The following FMN2 variants were observed in gnomAD, a reference collection of about 807,000 sequenced individuals.
FMN2 encodes formin 2, also known as formin-2.
FMN2 carries 51 observed loss-of-function variants against 142.3 expected under a neutral mutation model. The observed-to-expected ratio is 0.36, with a 90% CI of 0.29 to 0.45. The LOEUF (loss-of-function observed/expected upper bound fraction) is 0.45, where lower values mean the gene tolerates loss of function less well. Among genes scored for constraint, FMN2 ranks in the 20% least tolerant of loss-of-function variants. The pLI is 1.00. For missense variants in FMN2, 1,936 were observed against 2,122.8 expected (o/e 0.91, Z 1.73); for synonymous variants, 882 against 869.8 (o/e 1.01, Z -0.25).
At chr1:240,240,208 G>T (rs1667845904) in intron 6 of FMN2, among the ~76,000 whole-genome samples, 2 of 152,064 alleles carry the variant, frequency 1.3e-5, no homozygotes, top group Non-Finnish European at 2.9e-5. Context: ...GTGGTCAAGG[G>T]GGTAGAGCCT....
chr1:240,291,992 G>T (rs12079371), intron 7 of FMN2, among the ~76,000 whole-genome samples: 46,192 of 151,756 alleles, frequency 0.3, 7,452 homozygotes, highest in Admixed American at 0.47. Flanking sequence ...TTATTTCCTT[G>T]CCCCTGCCCC....
chr1:240,150,134 A>T (rs1049727777), intron 2 of FMN2, among the ~76,000 whole-genome samples: 6 of 152,224 alleles, frequency 3.9e-5, no homozygotes, highest in Non-Finnish European at 8.8e-5. Flanking sequence ...TAAAGGTTAT[A>T]TGCTCCTTTA....
chr1:240,292,336 A>G (rs946428571), intron 7 of FMN2, among the ~76,000 whole-genome samples: 1 of 152,208 alleles, frequency 6.6e-6, no homozygotes, highest in Admixed American at 6.5e-5. Flanking sequence ...AGTAAAAAAT[A>G]AAAAATGCAT....
rs776061186 is a variant in FMN2 at position 240,329,110 on chromosome 1, A to G, written c.4250A>G (p.Lys1417Arg). The part of the protein sequence containing the change: ...AQSDELEKIE[K>R]HGRSSKDKEN... Reference sequence around the variant, plus strand: ...TCAGACGAACTCGAAAAAATAGAAAAGCATGGCCGATCTTCCAAAGACAAG... The same window carrying G: ...TCAGACGAACTCGAAAAAATAGAAAGGCATGGCCGATCTTCCAAAGACAAG... Residue 1417 changes from lysine to arginine, a missense_variant, in exon 9 of 18, where the codon AAG (lysine) becomes AGG (arginine). Transcript: ENST00000319653. 5 of 1,614,124 alleles carry G rather than the reference A, an allele frequency of 3.1e-6. No homozygotes were observed. The East Asian group carries it at 8.9e-5, about 29-fold the overall frequency.
At chr1:240,184,376 G>A (rs6673504) in intron 3 of FMN2, among the ~76,000 whole-genome samples, 61,976 of 150,686 alleles carry the variant, frequency 0.41, 12,797 homozygotes, top group Admixed American at 0.46. Flanking sequence ...AGCTGGGACT[G>A]CAGGTGCCCA....
At chr1:240,357,765 GC>G (rs1157298153) in intron 14 of FMN2, among the ~76,000 whole-genome samples, 1 of 151,804 alleles carries the variant, frequency 6.6e-6, no homozygotes, top group African/African-American at 2.4e-5. Context: ...CCGCCACCAC[GC>G]CCGGCTAATT....
At chr1:240,165,531 A>C (rs911522205) in intron 2 of FMN2, among the ~76,000 whole-genome samples, 1 of 152,104 alleles carries the variant, frequency 6.6e-6, no homozygotes, top group South Asian at 2.1e-4. Flanking sequence ...CTATTTTAAA[A>C]TGTGAGTCTG....
At chr1:240,425,018 A>G (rs1674888118) in intron 15 of FMN2, among the ~76,000 whole-genome samples, 1 of 152,220 alleles carries the variant, frequency 6.6e-6, no homozygotes, top group Non-Finnish European at 1.5e-5. Flanking sequence ...TAAAGAGGTT[A>G]AATCCTAGTG....
rs1440292201 is a variant in FMN2, at chr1:240,285,258, G to T, written c.4154-9564G>T. ...GTGAAGCCAACACGATTCATGATGT[G>T]TTGGATGTGGAAGGTGAGGGGAAGG... On this transcript the variant is annotated intron_variant, in intron 7 of 17. Coordinates refer to ENST00000319653, the MANE Select transcript of FMN2 (RefSeq NM_020066.5). 6.6e-6 allele frequency: 3 copies of T among 455,422 alleles called. No individual in the cohort carries two copies. In the East Asian group the frequency reaches 2.1e-4, roughly 32 times the overall value. 28.2% of individuals were successfully genotyped at this position (455,422 alleles called of 1,614,324 possible).
At chr1:240,250,355 C>T (rs1572115764) in intron 6 of FMN2, among the ~76,000 whole-genome samples, 1 of 152,080 alleles carries the variant, frequency 6.6e-6, no homozygotes, top group East Asian at 1.9e-4. Flanking sequence ...GATCATATGG[C>T]TTTTGTTTTT....
intron 7 of FMN2, among the ~76,000 whole-genome samples, chr1:240,265,249 T>G (rs2102909378): frequency 6.6e-6 from 1 of 152,336 alleles, no homozygotes; most frequent in South Asian, 2.1e-4. Flanking sequence ...ATATTGACTA[T>G]GAAATTTTTT....
At chr1:240,283,805 T>C (rs1339889265) in intron 7 of FMN2, among the ~76,000 whole-genome samples, 1 of 152,188 alleles carries the variant, frequency 6.6e-6, no homozygotes, top group Non-Finnish European at 1.5e-5. Context: ...AGACTGGAGC[T>C]TGAAATTGCT....
chr1:240,381,819 C>T (rs1052643436), intron 14 of FMN2, among the ~76,000 whole-genome samples: 1 of 152,104 alleles, frequency 6.6e-6, no homozygotes, highest in African/African-American at 2.4e-5. Context: ...ATTGAAGGAA[C>T]ATATCTCAAA....
chr1:240,165,340 A>G (rs935943592), intron 2 of FMN2, among the ~76,000 whole-genome samples: 3 of 150,590 alleles, frequency 2.0e-5, no homozygotes, highest in African/African-American at 4.9e-5. Flanking sequence ...ACACCTGGCT[A>G]GATTTTAAAA....
chr1:240,179,559 C>T (rs1409039610), intron 3 of FMN2: 1 of 152,170 alleles, frequency 6.6e-6, no homozygotes, highest in Non-Finnish European at 1.5e-5. Context: ...TTTATCGTAA[C>T]ACTTACAGAG....
intron 7 of FMN2, among the ~76,000 whole-genome samples, chr1:240,291,590 T>C (rs1572160956): frequency 1.3e-5 from 2 of 152,322 alleles, no homozygotes; most frequent in East Asian, 3.9e-4. Flanking sequence ...AATCTAGTCT[T>C]CTGCTTAATC....
At chr1:240,427,108 A>G (rs1005119119) in intron 15 of FMN2, among the ~76,000 whole-genome samples, 1 of 151,872 alleles carries the variant, frequency 6.6e-6, no homozygotes, top group Non-Finnish European at 1.5e-5. Context: ...TTAGGCCCTA[A>G]TATCACCAAA....
chr1:240,363,282 C>G (rs977765851), intron 14 of FMN2, among the ~76,000 whole-genome samples: 1 of 152,200 alleles, frequency 6.6e-6, no homozygotes, highest in Non-Finnish European at 1.5e-5. Flanking sequence ...TGTAATCTCC[C>G]TTCATTGACC....
intron 13 of FMN2, among the ~76,000 whole-genome samples, chr1:240,344,967 C>T (rs1671860477): frequency 6.6e-6 from 1 of 152,146 alleles, no homozygotes; most frequent in Admixed American, 6.5e-5. Flanking sequence ...CAAATTATCA[C>T]ATAAAAACAT....
Sources: gnomAD v4.1 joint callset for allele counts (sites outside exome capture counted in the v4.1 genomes callset) on GRCh38, gnomAD v4.1.1 for gene constraint, MANE v1.5 for transcripts, NCBI Gene and HGNC (gene_info 2026-07-23, HGNC 2026-07-21) for gene names.